The following NDUFAB1 variants were observed in gnomAD, a reference collection of about 807,000 sequenced individuals.
The protein encoded by NDUFAB1 is NADH:ubiquinone oxidoreductase subunit AB1.
A neutral mutation model predicts 16.1 loss-of-function variants in NDUFAB1; 5 were observed. The observed-to-expected ratio is 0.31, with a 90% confidence interval of 0.16 to 0.65. The LOEUF is 0.65. Among genes scored for constraint, NDUFAB1 ranks in the 30% least tolerant of loss-of-function variants. The pLI, the probability that NDUFAB1 is intolerant of heterozygous loss-of-function variation, is 0.77. For synonymous variants in NDUFAB1, 85 were observed against 78.4 expected (o/e 1.08, Z -0.44); for missense variants, 187 against 205.3 (o/e 0.91, Z 0.54).
intron 1 of NDUFAB1, among the ~76,000 whole-genome samples, chr16:23,592,663 C>G (rs1449988075): frequency 6.6e-6 from 1 of 152,162 alleles, no homozygotes; most frequent in African/African-American, 2.4e-5. Flanking sequence ...ATAAGACTTC[C>G]AGGCTGCATT....
At chr16:23,595,758 G>A (rs3760109) in intron 1 of NDUFAB1, 1 of 464,128 alleles carries the variant, frequency 2.2e-6, no homozygotes, top group East Asian at 5.1e-5. Flanking sequence ...GCTATTTTGA[G>A]ACCGTACGAG....
chr16:23,596,126 C>A lies in NDUFAB1; in HGVS notation c.165G>T (p.Ala55=), dbSNP rs759797471. 1.2e-6 allele frequency: 2 copies of A among 1,606,520 alleles called. No homozygotes were observed. The highest frequency in any genetic ancestry group is 1.7e-6 in the Non-Finnish European group (2 of 1,177,052). ...LGTLQPALVL[A]QVPGRVTQLC... ...CAGCAAAGTCACCACGAGTCACCTGCGCGAGCACTAAGGCCGGCTGCAAAG... is the reference window on the plus strand; with the variant it reads ...CAGCAAAGTCACCACGAGTCACCTGAGCGAGCACTAAGGCCGGCTGCAAAG... The change falls in exon 1 of 5, where the codon GCG becomes GCT. Residue 55 remains alanine (A), a synonymous_variant. Coordinates refer to ENST00000007516, the MANE Select transcript of NDUFAB1 (RefSeq NM_005003.3).
intron 3 of NDUFAB1, among the ~76,000 whole-genome samples, chr16:23,583,568 GTC>G (rs1280215442): frequency 6.7e-6 from 1 of 150,294 alleles, no homozygotes; most frequent in Non-Finnish European, 1.5e-5. Context: ...GGTGAGGAGC[GTC>G]TCTGCCCGGC....
At chr16:23,582,806 C>T (rs1317591569) in intron 3 of NDUFAB1, among the ~76,000 whole-genome samples, 1 of 147,518 alleles carries the variant, frequency 6.8e-6, no homozygotes, top group Non-Finnish European at 1.5e-5. Context: ...TCTCCCTCTT[C>T]CCACGGTCTC....
chr16:23,584,374 T>C (rs1012338362), intron 3 of NDUFAB1, among the ~76,000 whole-genome samples: 4 of 151,518 alleles, frequency 2.6e-5, no homozygotes, highest in African/African-American at 9.7e-5. Context: ...TGACATTTCA[T>C]GTAAATGGTA....
chr16:23,593,857 T>C (rs1205182064), intron 1 of NDUFAB1, among the ~76,000 whole-genome samples: 1 of 119,186 alleles, frequency 8.4e-6, no homozygotes, highest in Non-Finnish European at 1.8e-5. Context: ...CCCTTATTTA[T>C]TTATTTATTT....
At chr16:23,583,015 CG>C (rs1966195647) in intron 3 of NDUFAB1, among the ~76,000 whole-genome samples, 1 of 152,276 alleles carries the variant, frequency 6.6e-6, no homozygotes, top group African/African-American at 2.4e-5. Context: ...GACAGGGTTT[CG>C]CTGTGTTGGC....
intron 4 of NDUFAB1, 123 bp downstream of exon 4, chr16:23,582,153 G>A: frequency 8.2e-7 from 1 of 1,224,714 alleles, no homozygotes; most frequent in South Asian, 1.9e-5. Flanking sequence ...GAAAGGGCTT[G>A]CATTTTATAA....
chr16:23,582,754 GTCTCCCTCTCCC>G (rs1206136108), intron 3 of NDUFAB1, among the ~76,000 whole-genome samples: 2 of 137,798 alleles, frequency 1.5e-5, no homozygotes, highest in Non-Finnish European at 3.2e-5. Context: ...TCTTCCCACG[GTCTCCCTCTCCC>G]TCTCCCTCTC....
chr16:23,587,342 A>G, intron 1 of NDUFAB1, 23 bp from the exon 2 acceptor site: 1 of 1,611,432 alleles, frequency 6.2e-7, no homozygotes, highest in Non-Finnish European at 8.5e-7. Context: ...CAGGAAGGAA[A>G]CACTGTCATT....
At chr16:23,594,537 A>G (rs1268964008) in intron 1 of NDUFAB1, among the ~76,000 whole-genome samples, 2 of 151,870 alleles carry the variant, frequency 1.3e-5, no homozygotes, top group East Asian at 3.9e-4. Context: ...TATGTTTAGT[A>G]GAGACGGGGT....
intron 3 of NDUFAB1, among the ~76,000 whole-genome samples, chr16:23,582,812 GTCTCCCTCTCCC>G (rs60095526): frequency 4.2e-5 from 6 of 141,372 alleles, no homozygotes; most frequent in East Asian, 2.2e-4. Flanking sequence ...TCTTCCCACG[GTCTCCCTCTCCC>G]TCTCCCTCTC....
chr16:23,583,221 C>A (rs1465893752), intron 3 of NDUFAB1, among the ~76,000 whole-genome samples: 2 of 152,124 alleles, frequency 1.3e-5, no homozygotes, highest in African/African-American at 4.8e-5. Flanking sequence ...GAGATTGCAG[C>A]CTCTGCCTGG....
chr16:23,587,469 G>A, intron 1 of NDUFAB1, 150 bp from the exon 2 acceptor site: 1 of 993,234 alleles, frequency 1.0e-6, no homozygotes, highest in East Asian at 2.8e-5. Context: ...GACACACTAA[G>A]TTGCAGGACT....
At chr16:23,584,228 T>C (rs1300169794) in intron 3 of NDUFAB1, among the ~76,000 whole-genome samples, 4 of 54,814 alleles carry the variant, frequency 7.3e-5, no homozygotes, top group African/African-American at 2.4e-4. Context: ...AATCCCCCTC[T>C]GCGAGAAACA....
rs559556704 is a variant in NDUFAB1 at position 23,593,310 on chromosome 16, C to A, written c.168+2813G>T. 7.9e-5 allele frequency among the ~76,000 whole-genome samples: 12 copies of A among 152,258 alleles called. No homozygotes were observed. In the South Asian group the frequency reaches 2.5e-3, roughly 32 times the overall value. On this transcript the variant is annotated intron_variant, in intron 1 of 4. Transcript: ENST00000007516. ...TGTCCCAACAAGGTAGGAGGACAAA[C>A]CAACCAAGGGAGAACAGTGTCACAA...
intron 1 of NDUFAB1, among the ~76,000 whole-genome samples, chr16:23,587,891 C>T (rs964853203): frequency 6.6e-6 from 1 of 152,272 alleles, no homozygotes; most frequent in African/African-American, 2.4e-5. Context: ...ACAGTCACTA[C>T]ATTCCAATCT....
intron 1 of NDUFAB1, among the ~76,000 whole-genome samples, chr16:23,591,304 G>A (rs1384578954): frequency 6.6e-6 from 1 of 152,186 alleles, no homozygotes; most frequent in Admixed American, 6.5e-5. Flanking sequence ...ATCAGAGAAG[G>A]TACTGTTTGC....
chr16:23,589,901 A>G (rs1966263762), intron 1 of NDUFAB1, among the ~76,000 whole-genome samples: 1 of 142,564 alleles, frequency 7.0e-6, no homozygotes, highest in African/African-American at 2.6e-5. Context: ...ATGGCTCTAC[A>G]CTCCAGCCTG....
Sources: allele counts gnomAD v4.1 joint callset (sites outside exome capture counted in the v4.1 genomes callset), GRCh38; gene constraint gnomAD v4.1.1; transcripts MANE v1.5; gene names NCBI Gene and HGNC (gene_info 2026-07-23, HGNC 2026-07-21).